The following CGGBP1 variants were observed in gnomAD, a reference collection of about 807,000 sequenced individuals.
The protein encoded by CGGBP1 is CGG triplet repeat-binding protein 1.
CGGBP1 carries 4 observed loss-of-function variants against 11.4 expected under a neutral mutation model. The ratio of observed to expected loss-of-function variants is 0.35; its 90% CI spans 0.17 to 0.80. The LOEUF is 0.80. Among genes scored for constraint, CGGBP1 ranks in the 30% least tolerant of loss-of-function variants. The probability of loss-of-function intolerance (pLI) is 0.52; values close to 1 mark genes in which losing one functional copy is unlikely to be tolerated. For synonymous variants in CGGBP1, 76 were observed against 74.1 expected, an observed-to-expected ratio of 1.03 and a Z score of -0.13; for missense variants, 135 against 202.1, an observed-to-expected ratio of 0.67 and a Z score of 2.01.
At chr3:88,141,994 A>T (rs56099925) in intron 1 of CGGBP1, 153,994 of 195,298 alleles carry the variant, frequency 0.79, 61,803 homozygotes, top group South Asian at 0.9. Context: ...AAAGGGAAAA[A>T]TTAACCCATT....
At chr3:88,081,984 A>G (rs747550665) in intron 2 of CGGBP1, among the ~76,000 whole-genome samples, 7 of 152,212 alleles carry the variant, frequency 4.6e-5, no homozygotes, top group Admixed American at 2.0e-4. Context: ...AAAACATTTT[A>G]GGTATTTAGA....
intron 2 of CGGBP1, among the ~76,000 whole-genome samples, chr3:88,099,228 A>G (rs1476196367): frequency 1.3e-5 from 2 of 152,212 alleles, no homozygotes; most frequent in Non-Finnish European, 2.9e-5. Context: ...ACTCCCATTC[A>G]CAATTGCTAC....
At chr3:88,120,270 A>G (rs2107796476) in intron 2 of CGGBP1, among the ~76,000 whole-genome samples, 1 of 152,326 alleles carries the variant, frequency 6.6e-6, no homozygotes, top group East Asian at 1.9e-4. Context: ...AATTCTTTCT[A>G]TGCCATATTC....
upstream of CGGBP1, among the ~76,000 whole-genome samples, chr3:88,063,383 G>C (rs1706998644): frequency 6.6e-6 from 1 of 152,174 alleles, no homozygotes; most frequent in Admixed American, 6.5e-5. Flanking sequence ...GCCAGGCACT[G>C]TAATAGGTGC....
rs764466667 is a variant in CGGBP1 at position 88,140,773 on chromosome 3, A to T, written c.-229+197T>A. ...CCTTCCAAACCAAATCTGACAAGTG[A>T]ACATACTTCATATGGCTTAATTTTA... On this transcript the variant is annotated intron_variant, in intron 2 of 3. Transcript: ENST00000462901. The T allele has an allele frequency of 1.9e-6, 3 of 1,613,778 alleles. No homozygotes were observed. The East Asian group carries it at 6.7e-5, about 36-fold the overall frequency.
At chr3:88,068,343 T>G (rs184179956) in intron 2 of CGGBP1, among the ~76,000 whole-genome samples, 20 of 152,218 alleles carry the variant, frequency 1.3e-4, no homozygotes, top group Admixed American at 3.9e-4. Flanking sequence ...GCTCCACTTG[T>G]GGCAAAACAT....
At chr3:88,109,534 A>G (rs1216302180) in intron 2 of CGGBP1, among the ~76,000 whole-genome samples, 1 of 152,168 alleles carries the variant, frequency 6.6e-6, no homozygotes, top group Non-Finnish European at 1.5e-5. Context: ...CCTATGGCAG[A>G]TAAATGCACA....
chr3:88,135,010 G>A, intron 2 of CGGBP1: 1 of 1,244,958 alleles, frequency 8.0e-7, no homozygotes, highest in Non-Finnish European at 1.0e-6. Flanking sequence ...GCTAATGTCT[G>A]TATTTGAATA....
At chr3:88,121,336 T>G (rs572849549) in intron 2 of CGGBP1, among the ~76,000 whole-genome samples, 1 of 152,250 alleles carries the variant, frequency 6.6e-6, no homozygotes, top group African/African-American at 2.4e-5. Flanking sequence ...CTTAAGTTTT[T>G]TAATGGCATA....
chr3:88,111,546 T>G (rs974138019), intron 2 of CGGBP1, among the ~76,000 whole-genome samples: 1 of 152,018 alleles, frequency 6.6e-6, no homozygotes, highest in African/African-American at 2.4e-5. Flanking sequence ...TCCGTTAATA[T>G]TTGTATTATA....
At chr3:88,091,640 T>TTTA (rs1708635396) in intron 2 of CGGBP1, among the ~76,000 whole-genome samples, 1 of 152,174 alleles carries the variant, frequency 6.6e-6, no homozygotes, top group Non-Finnish European at 1.5e-5. Flanking sequence ...GCTTCCATAA[T>TTTA]CTCCACGTGT....
chr3:88,133,280 T>C (rs1049083243), intron 2 of CGGBP1, among the ~76,000 whole-genome samples: 6 of 152,176 alleles, frequency 3.9e-5, no homozygotes, highest in African/African-American at 1.4e-4. Context: ...GGTGTGCCAC[T>C]CCAATCACTG....
At chr3:88,059,254 T>A (rs1706688571), upstream of CGGBP1, 1 of 1,529,250 alleles carries the variant, frequency 6.5e-7, no homozygotes, top group Non-Finnish European at 8.7e-7. Flanking sequence ...AGGAGGAGGT[T>A]AGCCTAGGCA....
At chr3:88,146,774 T>G (rs1707320635) in intron 1 of CGGBP1, among the ~76,000 whole-genome samples, 1 of 152,178 alleles carries the variant, frequency 6.6e-6, no homozygotes, top group Non-Finnish European at 1.5e-5. Context: ...CATTCTTTGA[T>G]TTAATCCTTC....
chr3:88,093,898 C>T (rs1703895269), intron 2 of CGGBP1, among the ~76,000 whole-genome samples: 1 of 152,124 alleles, frequency 6.6e-6, no homozygotes, highest in Non-Finnish European at 1.5e-5. Context: ...TATTGTAGGT[C>T]CCAATGAGTA....
chr3:88,141,199 C>T (rs1208160142), intron 1 of CGGBP1: 12 of 861,638 alleles, frequency 1.4e-5, no homozygotes, highest in Admixed American at 3.1e-5. Context: ...TTAATACATA[C>T]AACCACTATG....
intron 2 of CGGBP1, chr3:88,140,030 A>G (rs1423833022): frequency 6.2e-7 from 1 of 1,613,672 alleles, no homozygotes; most frequent in African/African-American, 1.3e-5. Flanking sequence ...GGAGCAAAGG[A>G]AAATGCAAAT....
chr3:88,112,802 T>C (rs1453810529), intron 2 of CGGBP1, among the ~76,000 whole-genome samples: 1 of 152,074 alleles, frequency 6.6e-6, no homozygotes, highest in Non-Finnish European at 1.5e-5. Context: ...GATCCTTGTG[T>C]ATATAGCTAT....
In CGGBP1 at chr3:88,071,590, C is replaced by G. The variant is rs190727110; in HGVS notation, c.-228-13367G>C. Reference sequence around the variant, plus strand: ...GGCGGAGCTTGCAGTGAGCTGAGATCGCGCCACTGCACTCCAGCCTGGGTG... The same window carrying G: ...GGCGGAGCTTGCAGTGAGCTGAGATGGCGCCACTGCACTCCAGCCTGGGTG... On this transcript the variant is annotated intron_variant, in intron 2 of 3. Transcript: ENST00000462901. Among the ~76,000 whole-genome samples, 1,051 of 152,232 alleles carry G rather than the reference C, an allele frequency of 6.9e-3. 8 individuals are homozygous for G. Among genetic ancestry groups the G allele is most frequent in the Middle Eastern group, 0.02 (6 of 294 alleles).
Sources: allele counts gnomAD v4.1 joint callset (sites outside exome capture counted in the v4.1 genomes callset), GRCh38; gene constraint gnomAD v4.1.1; transcripts MANE v1.5; gene names NCBI Gene and HGNC (gene_info 2026-07-23, HGNC 2026-07-21).